AGPAT5: variants seen among roughly 807,000 people sequenced by gnomAD.
The protein encoded by AGPAT5 is 1-acyl-sn-glycerol-3-phosphate acyltransferase epsilon.
Under a neutral mutation model 45.6 loss-of-function variants are expected in AGPAT5, and 46 were observed. The ratio of observed to expected loss-of-function variants is 1.01; its 90% confidence interval spans 0.80 to 1.29. The LOEUF is 1.29. Ranked by LOEUF, AGPAT5 falls within the 50% of genes most tolerant of loss-of-function variation. AGPAT5 has a pLI of 0.00. For synonymous variants in AGPAT5, 272 were observed against 167.0 expected (o/e 1.63, Z -4.85); for missense variants, 673 against 450.7 (o/e 1.49, Z -4.47).
At chr8:6,754,936 A>G in intron 6 of AGPAT5, 115 bp from the exon 7 acceptor site, 1 of 827,160 alleles carries the variant, frequency 1.2e-6, no homozygotes, top group East Asian at 3.2e-5. Context: ...AGGAATCTGT[A>G]CTTTTTCTTC....
chr8:6,747,547 G>T (rs910125872), intron 5 of AGPAT5, 123 bp from the exon 6 acceptor site: 1 of 916,576 alleles, frequency 1.1e-6, no homozygotes, highest in South Asian at 1.9e-5. Flanking sequence ...AATATATGAG[G>T]TTGTGGAATT....
intron 1 of AGPAT5, among the ~76,000 whole-genome samples, chr8:6,711,093 T>A (rs929564875): frequency 4.6e-5 from 7 of 152,196 alleles, no homozygotes; most frequent in Non-Finnish European, 8.8e-5. Context: ...TAAAATAAAA[T>A]TTTTTTTAAA....
chr8:6,740,955 C>T (rs761094879), intron 4 of AGPAT5, among the ~76,000 whole-genome samples: 3 of 152,146 alleles, frequency 2.0e-5, no homozygotes, highest in Admixed American at 2.0e-4. Flanking sequence ...ACTCAGTTCT[C>T]AAGCTAGGAG....
rs765271343 is a variant in AGPAT5 at position 6,757,516 on chromosome 8, A to G, written c.*128A>G. 3 of 748,990 alleles carry G rather than the reference A, an allele frequency of 4.0e-6. No homozygotes were observed. Among genetic ancestry groups the G allele is most frequent in the Non-Finnish European group, 6.5e-6 (3 of 461,408 alleles). 46.4% of individuals were successfully genotyped at this position (748,990 alleles called of 1,614,324 possible). ...AAGCCTTGTTGATTGAAGATTGGAT[A>G]ATAGAATTTGTGACGAAAGCTGATA... is the stretch of plus-strand genomic sequence containing the variant. On this transcript the variant is annotated 3_prime_UTR_variant, in exon 8 of 8. Coordinates refer to ENST00000285518, the MANE Select transcript of AGPAT5 (RefSeq NM_018361.5).
chr8:6,724,597 A>G (rs1800620107), intron 1 of AGPAT5, among the ~76,000 whole-genome samples: 1 of 152,180 alleles, frequency 6.6e-6, no homozygotes, highest in Non-Finnish European at 1.5e-5. Flanking sequence ...TGTTTTATAT[A>G]TTGTTAGCAA....
intron 2 of AGPAT5, among the ~76,000 whole-genome samples, chr8:6,726,784 G>C (rs912557176): frequency 7.2e-5 from 11 of 152,140 alleles, no homozygotes; most frequent in African/African-American, 2.7e-4. Flanking sequence ...CCGAGTGCCT[G>C]TGACTTTGTA....
At chr8:6,734,001 C>T (rs1300939955) in intron 4 of AGPAT5, among the ~76,000 whole-genome samples, 1 of 152,096 alleles carries the variant, frequency 6.6e-6, no homozygotes, top group Admixed American at 6.5e-5. Flanking sequence ...ATGTGGCTGC[C>T]TTCGTGAGTT....
chr8:6,733,201 C>T (rs1026650072), intron 4 of AGPAT5, among the ~76,000 whole-genome samples: 3 of 152,236 alleles, frequency 2.0e-5, no homozygotes, highest in Non-Finnish European at 2.9e-5. Flanking sequence ...GGCTTTTCCC[C>T]TGGTTCCCTC....
chr8:6,734,267 T>A (rs2936530), intron 4 of AGPAT5, among the ~76,000 whole-genome samples: 107,772 of 150,008 alleles, frequency 0.72, 39,240 homozygotes, highest in African/African-American at 0.86. Flanking sequence ...GTTTTTTTTT[T>A]AATTTTTTTT....
At chr8:6,716,696 G>A (rs149514310) in intron 1 of AGPAT5, among the ~76,000 whole-genome samples, 1,657 of 152,192 alleles carry the variant, frequency 0.011, 36 homozygotes, top group African/African-American at 0.038. Flanking sequence ...AGCCGGGCGT[G>A]GTGGTGCCTG....
intron 1 of AGPAT5, among the ~76,000 whole-genome samples, chr8:6,719,851 G>A (rs993414837): frequency 6.6e-6 from 1 of 152,182 alleles, no homozygotes; most frequent in African/African-American, 2.4e-5. Flanking sequence ...GACGAAAATG[G>A]AAGGTTTGGA....
Position 6,741,729 on chromosome 8 carries a change from T to G in AGPAT5, c.564T>G (p.Ser188Arg). Residue 188 changes from serine to arginine, a missense_variant, in exon 5 of 8, where the codon AGT becomes AGG. Physicochemically the swap from Ser to Arg is moderately radical, Grantham distance 110. Transcript: ENST00000285518. ...NPEQTKVLSASQAFAAQRGLA... is the reference protein window; with the variant it reads ...NPEQTKVLSARQAFAAQRGLA... ...AGCAAACAAAAGTCCTTTCAGCTAG[T>G]CAGGCATTTGCTGCCCAACGTGGTA... 1.2e-6 allele frequency: 2 copies of G among 1,612,444 alleles called. No homozygotes were observed. The highest frequency in any genetic ancestry group is 1.7e-6 in the Non-Finnish European group (2 of 1,179,150).
intron 4 of AGPAT5, among the ~76,000 whole-genome samples, chr8:6,741,435 C>G (rs1300658282): frequency 6.6e-6 from 1 of 152,090 alleles, no homozygotes; most frequent in Non-Finnish European, 1.5e-5. Context: ...GGCTGACCTA[C>G]CAATGAATGT....
intron 4 of AGPAT5, among the ~76,000 whole-genome samples, chr8:6,736,005 C>T (rs553088234): frequency 4.6e-5 from 7 of 152,104 alleles, no homozygotes; most frequent in Admixed American, 2.0e-4. Flanking sequence ...AGGCGTGCAC[C>T]GCCATGCCCG....
chr8:6,742,767 A>G (rs961810226), intron 5 of AGPAT5, among the ~76,000 whole-genome samples: 1 of 152,212 alleles, frequency 6.6e-6, no homozygotes, highest in African/African-American at 2.4e-5. Flanking sequence ...CATCATTTGT[A>G]ACAGTACTTT....
intron 6 of AGPAT5, among the ~76,000 whole-genome samples, chr8:6,752,358 G>A (rs924847468): frequency 1.4e-4 from 21 of 152,092 alleles, no homozygotes; most frequent in South Asian, 8.3e-4. Flanking sequence ...GTGCCTTTAC[G>A]TATTTTTTAA....
intron 4 of AGPAT5, among the ~76,000 whole-genome samples, chr8:6,735,719 C>A (rs1308778969): frequency 6.6e-6 from 1 of 152,150 alleles, no homozygotes; most frequent in African/African-American, 2.4e-5. Context: ...AGTAGTATTC[C>A]TTCAGCATTC....
In AGPAT5 at chr8:6,741,357, C is replaced by T. The variant is rs17078034; in HGVS notation, c.496-304C>T. ...CTCATTGAGGCTTTGTATGAGTCAGCGTTTCATGGCCTATTTTTAATTAGT... is the reference window on the plus strand; with the variant it reads ...CTCATTGAGGCTTTGTATGAGTCAGTGTTTCATGGCCTATTTTTAATTAGT... On this transcript the variant is annotated intron_variant, in intron 4 of 7. Transcript: ENST00000285518. Among the ~76,000 whole-genome samples, 724 of 151,968 alleles carry T rather than the reference C, an allele frequency of 4.8e-3. 20 individuals carry two copies. The East Asian group carries it at 0.051, about 11-fold the overall frequency.
chr8:6,725,015 T>C (rs1407496042), intron 2 of AGPAT5, 76 bp downstream of exon 2: 9 of 481,392 alleles, frequency 1.9e-5, no homozygotes, highest in Non-Finnish European at 3.0e-5. Context: ...GTTCTTATAT[T>C]TAAATGAAGT....
Sources: allele counts gnomAD v4.1 joint callset (sites outside exome capture counted in the v4.1 genomes callset), GRCh38; gene constraint gnomAD v4.1.1; transcripts MANE v1.5; gene names NCBI Gene and HGNC (gene_info 2026-07-23, HGNC 2026-07-21).